The following CRPPA variants were observed in gnomAD, a reference collection of about 807,000 sequenced individuals.
CRPPA encodes the protein CDP-L-ribitol pyrophosphorylase A, also known as D-ribitol-5-phosphate cytidylyltransferase.
In CRPPA, 43 loss-of-function variants were observed where a neutral mutation model predicts 52.0. The ratio of observed to expected loss-of-function variants is 0.83; its 90% CI spans 0.65 to 1.07. CRPPA has a LOEUF of 1.07. CRPPA is among the 50% of genes least tolerant of loss of function. The pLI is 0.00. For synonymous variants in CRPPA, 250 were observed against 203.5 expected, an observed-to-expected ratio of 1.23 and a Z score of -1.94; for missense variants, 629 against 551.7, an observed-to-expected ratio of 1.14 and a Z score of -1.40.
chr7:16,201,770 T>G (rs1475934926), intron 9 of CRPPA, among the ~76,000 whole-genome samples: 2 of 152,208 alleles, frequency 1.3e-5, no homozygotes, highest in South Asian at 2.1e-4. Flanking sequence ...CAACTGTATG[T>G]TGCTTGCATG....
intron 3 of CRPPA, among the ~76,000 whole-genome samples, chr7:16,341,969 A>C (rs909150522): frequency 2.8e-4 from 43 of 151,894 alleles, no homozygotes; most frequent in African/African-American, 1.0e-3. Context: ...GGAGTGTGTC[A>C]CAGTCTTTCT....
chr7:16,280,923 G>A (rs1051476116), intron 5 of CRPPA, among the ~76,000 whole-genome samples: 1 of 152,100 alleles, frequency 6.6e-6, no homozygotes, highest in Non-Finnish European at 1.5e-5. Flanking sequence ...AGGAGGCTGA[G>A]GCAGGAGAAT....
intron 2 of CRPPA, among the ~76,000 whole-genome samples, chr7:16,400,138 T>G (rs1787768178): frequency 6.6e-6 from 1 of 152,140 alleles, no homozygotes; most frequent in Admixed American, 6.5e-5. Flanking sequence ...CCAACATGGT[T>G]GACACGTGAT....
intron 3 of CRPPA, among the ~76,000 whole-genome samples, chr7:16,324,089 C>G (rs1471128389): frequency 6.6e-6 from 1 of 152,142 alleles, no homozygotes; most frequent in South Asian, 2.1e-4. Context: ...AAATGAAACA[C>G]CTCTTATTTG....
At chr7:16,313,477 T>C (rs1253195661) in intron 3 of CRPPA, among the ~76,000 whole-genome samples, 1 of 151,832 alleles carries the variant, frequency 6.6e-6, no homozygotes, top group Non-Finnish European at 1.5e-5. Flanking sequence ...TTTTATCTTG[T>C]CAAAGAACCA....
chr7:16,125,145 A>G (rs1020009171), intron 9 of CRPPA, among the ~76,000 whole-genome samples: 4 of 151,238 alleles, frequency 2.6e-5, no homozygotes, highest in African/African-American at 9.7e-5. Flanking sequence ...CTGCAATCCC[A>G]GCTACCTGGG....
rs1421955518 is a variant in CRPPA at position 16,405,939 on chromosome 7, C to T, written c.534+122G>A. ...TTACTACAACAAATCACCATAACAT[C>T]TTTAGGTCATCATGCACATTTTAAA... is the stretch of plus-strand genomic sequence containing the variant. On this transcript the variant is annotated intron_variant, in intron 2 of 9. Transcript: ENST00000407010. The T allele has an allele frequency of 5.7e-6, 5 of 883,064 alleles. No homozygotes were observed. In the Admixed American group the frequency reaches 1.1e-4, roughly 19 times the overall value. 54.7% of individuals were successfully genotyped at this position (883,064 alleles called of 1,614,324 possible).
intron 9 of CRPPA, among the ~76,000 whole-genome samples, chr7:16,118,919 C>T (rs1408630289): frequency 1.3e-5 from 2 of 152,128 alleles, no homozygotes; most frequent in Non-Finnish European, 2.9e-5. Flanking sequence ...GTGGCCCTTA[C>T]TCAGCTGAGG....
chr7:16,352,347 A>C (rs10260543), intron 3 of CRPPA, among the ~76,000 whole-genome samples: 45,293 of 151,574 alleles, frequency 0.3, 6,997 homozygotes, highest in Admixed American at 0.34. Context: ...CCACCATGGC[A>C]TATGTATACC....
intron 8 of CRPPA, among the ~76,000 whole-genome samples, chr7:16,243,060 T>C (rs1783169896): frequency 6.6e-6 from 1 of 152,182 alleles, no homozygotes; most frequent in Non-Finnish European, 1.5e-5. Context: ...AATTCCCACA[T>C]GTCAAAGGCG....
chr7:16,138,240 A>G (rs1029177063), intron 9 of CRPPA, among the ~76,000 whole-genome samples: 5 of 152,226 alleles, frequency 3.3e-5, no homozygotes, highest in Non-Finnish European at 5.9e-5. Flanking sequence ...CTACAATAAT[A>G]AAATTTCAGG....
intron 3 of CRPPA, 100 bp from the exon 4 acceptor site, chr7:16,308,727 T>TA: frequency 4.2e-6 from 3 of 722,184 alleles, no homozygotes; most frequent in East Asian, 5.4e-5. Flanking sequence ...AGGAAGGGCC[T>TA]AGGGGGCTCA....
intron 1 of CRPPA, among the ~76,000 whole-genome samples, chr7:16,412,228 C>T (rs777966001): frequency 2.6e-5 from 4 of 152,156 alleles, no homozygotes; most frequent in African/African-American, 4.8e-5. Context: ...CTGCCAATTT[C>T]GGGTCCCATT....
At position 16,400,371 on chromosome 7, in the gene CRPPA, T is replaced by C. The variant is rs192498585; in HGVS notation, c.534+5690A>G. ...CATGATTGACACATGACCAACACGT[T>C]TGTGACACACTGACCTGGTTGACAG... On this transcript the variant is annotated intron_variant, in intron 2 of 9. Coordinates refer to ENST00000407010, the MANE Select transcript of CRPPA (RefSeq NM_001101426.4). Among the ~76,000 whole-genome samples the C allele has an allele frequency of 2.8e-4, 42 of 152,304 alleles. No homozygotes were observed. In the South Asian group the frequency reaches 3.3e-3, roughly 12 times the overall value.
chr7:16,286,070 T>TTTAAAA lies in CRPPA; in HGVS notation c.836-7845_836-7844insTTTTAA, dbSNP rs1562608552. Among the ~76,000 whole-genome samples the TTTAAAA allele has an allele frequency of 6.9e-4, 15 of 21,772 alleles. 1 individual carries two copies. The highest frequency in any genetic ancestry group is 9.4e-4 in the African/African-American group (3 of 3,186). The allele number at this position is 21,772 out of a possible 152,430, so 14.3% of individuals were successfully genotyped here. ...ATATATATATATATATATATATATA[T>TTTAAAA]ATATATATATAATATTTAAAAAAAA... On this transcript the variant is annotated intron_variant, in intron 5 of 9. Coordinates refer to ENST00000407010, the MANE Select transcript of CRPPA (RefSeq NM_001101426.4).
Position 16,308,621 on chromosome 7 carries a change from C to G in CRPPA, c.691G>C (p.Asp231His), listed in dbSNP as rs1784967390. ...TCAGTTCCAAATTCCAAGTCATAGT[C>G]ACTACACTGGTGTGGAAACAACAAC... ...VIYEAYQQCS[D>H]YDLEFGTECL... is the part of the protein sequence containing the mutation. The change falls in exon 4 of 10, where the codon GAC becomes CAC. Residue 231 changes from aspartate to histidine, a missense_variant. Asp to His is a moderately conservative substitution (Grantham distance 81). Transcript: ENST00000407010. 1 of 1,587,404 alleles carries G rather than the reference C, an allele frequency of 6.3e-7. No homozygotes were observed. Among genetic ancestry groups the G allele is most frequent in the Non-Finnish European group, 8.6e-7 (1 of 1,158,236 alleles).
intron 6 of CRPPA, among the ~76,000 whole-genome samples, chr7:16,271,928 A>C (rs905769736): frequency 2.0e-5 from 3 of 152,220 alleles, no homozygotes; most frequent in Non-Finnish European, 2.9e-5. Context: ...TGGTAAATAA[A>C]CTAGAGAATT....
At chr7:16,331,156 T>C (rs569920022) in intron 3 of CRPPA, among the ~76,000 whole-genome samples, 2 of 152,080 alleles carry the variant, frequency 1.3e-5, no homozygotes, top group East Asian at 3.9e-4. Context: ...CACGCCACCA[T>C]GCCCGGCTAA....
intron 9 of CRPPA, among the ~76,000 whole-genome samples, chr7:16,184,028 GC>G (rs1463914004): frequency 6.6e-6 from 1 of 151,920 alleles, no homozygotes; most frequent in East Asian, 1.9e-4. Context: ...TGCAAGCTCC[GC>G]CTCCCTGGTT....
Sources: gnomAD v4.1 joint callset for allele counts (sites outside exome capture counted in the v4.1 genomes callset) on GRCh38, gnomAD v4.1.1 for gene constraint, MANE v1.5 for transcripts, NCBI Gene and HGNC (gene_info 2026-07-23, HGNC 2026-07-21) for gene names.